The following IDUA variants were observed in gnomAD, a reference collection of about 807,000 sequenced individuals.
IDUA encodes alpha-L-iduronidase, also known as iduronidase alpha-L-.
A neutral mutation model predicts 68.9 loss-of-function variants in IDUA; 65 were observed. That is an observed-to-expected ratio of 0.94 (90% confidence interval 0.77 to 1.16). The LOEUF (loss-of-function observed/expected upper bound fraction) is 1.16. Ranked by LOEUF, IDUA falls within the 50% of genes most tolerant of loss-of-function variation. The probability of loss-of-function intolerance (pLI) is 0.00; values close to 1 mark genes in which losing one functional copy is unlikely to be tolerated. For synonymous variants in IDUA, 529 were observed against 433.6 expected, an observed-to-expected ratio of 1.22 and a Z score of -2.73; for missense variants, 1,046 against 938.0, an observed-to-expected ratio of 1.12 and a Z score of -1.50.
intron 2 of IDUA, among the ~76,000 whole-genome samples, chr4:996,201 G>A (rs746624753): frequency 2.6e-5 from 4 of 152,246 alleles, no homozygotes; most frequent in African/African-American, 7.2e-5. Flanking sequence ...GAGCTGTGCT[G>A]TAAGAAGCGG....
rs752049819 is a variant in IDUA, at chr4:1,000,988, C to G, written c.492C>G (p.Ile164Met). ...DLVSSLARRYIGRYGLAHVSK... is the reference protein window; with the variant it reads ...DLVSSLARRYMGRYGLAHVSK... ...TCTCCAGCCTGGCCAGGAGATACAT[C>G]GGTGGGCGAGCGCAGGCCCTGGGGC... Residue 164 changes from isoleucine (I) to methionine (M), a missense_variant and splice_region_variant, in exon 4 of 14, where the codon ATC (isoleucine) becomes ATG (methionine). Ile to Met is a conservative substitution (Grantham distance 10, BLOSUM62 1). Transcript: ENST00000514224. 1.2e-6 allele frequency: 2 copies of G among 1,608,542 alleles called. No individual in the cohort carries two copies. The highest frequency in any genetic ancestry group is 2.2e-5 in the South Asian group (2 of 90,982).
At position 998,185 on chromosome 4, in the gene IDUA, C is replaced by T. The variant is rs1007185045; in HGVS notation, c.300-2427C>T. On this transcript the variant is annotated intron_variant, in intron 2 of 13. Coordinates refer to ENST00000514224, the MANE Select transcript of IDUA (RefSeq NM_000203.5). ...AGGGACTCCTGCTGCTCCTGCTGGA[C>T]ACCCAGCCCGGGGTACAGGAGCAGG... Among the ~76,000 whole-genome samples, 12 of 152,326 alleles carry T rather than the reference C, an allele frequency of 7.9e-5. No individual in the cohort carries two copies. In the East Asian group the frequency reaches 2.1e-3, roughly 27 times the overall value.
At chr4:987,561 G>A (rs1713832299) in intron 1 of IDUA, 13 of 1,277,714 alleles carry the variant, frequency 1.0e-5, no homozygotes, top group African/African-American at 1.5e-5. Context: ...CTAGAGCTGA[G>A]GTACCCGCCT....
intron 2 of IDUA, chr4:999,568 G>C (rs966485446): frequency 6.6e-6 from 1 of 152,582 alleles, no homozygotes; most frequent in African/African-American, 2.4e-5. Flanking sequence ...CTTCACCAAA[G>C]ATTCCCATTC....
intron 2 of IDUA, chr4:991,856 G>A: frequency 6.6e-7 from 1 of 1,518,460 alleles, no homozygotes; most frequent in Non-Finnish European, 8.8e-7. Context: ...ATTGGTGCTG[G>A]GCCTTCTCCT....
chr4:990,516 G>A (rs1243751834), intron 2 of IDUA: 7 of 729,152 alleles, frequency 9.6e-6, no homozygotes, highest in East Asian at 5.4e-5. Flanking sequence ...CTCCTCACAC[G>A]GGCCTGAGTT....
In IDUA at chr4:1,003,328, C is replaced by T; in HGVS notation, c.1525-17C>T. ...CAGCTCCCCTGGAGAACCCTGAGGACCGGCCACTGCGCCCAGGACCCGGTG... is the reference window on the plus strand; with the variant it reads ...CAGCTCCCCTGGAGAACCCTGAGGATCGGCCACTGCGCCCAGGACCCGGTG... On this transcript the variant is annotated splice_polypyrimidine_tract_variant and intron_variant, in intron 10 of 13. Coordinates refer to ENST00000514224, the MANE Select transcript of IDUA (RefSeq NM_000203.5). 4.8e-6 allele frequency: 7 copies of T among 1,447,978 alleles called. No homozygotes were observed. Among genetic ancestry groups the T allele is most frequent in the Non-Finnish European group, 6.3e-6 (7 of 1,108,928 alleles). 89.7% of individuals were successfully genotyped at this position (1,447,978 alleles called of 1,614,324 possible).
chr4:992,147 A>G, intron 2 of IDUA: 1 of 473,826 alleles, frequency 2.1e-6, no homozygotes, highest in Non-Finnish European at 4.2e-6. Context: ...ACATGTGCCT[A>G]CCGTCAGAAT....
chr4:999,661 C>T (rs890760906), intron 2 of IDUA: 8 of 150,276 alleles, frequency 5.3e-5, no homozygotes, highest in Non-Finnish European at 1.0e-4. Context: ...CGGCCCCCTT[C>T]CCCCTTGACG....
At position 1,001,849 on chromosome 4, in the gene IDUA, G is replaced by A; in HGVS notation, c.760G>A (p.Val254Met). 1 of 1,597,364 alleles carries A rather than the reference G, an allele frequency of 6.3e-7. No homozygotes were observed. Among genetic ancestry groups the A allele is most frequent in the Non-Finnish European group, 8.5e-7 (1 of 1,173,750 alleles). ...CAACTTCTTCACTGGGGAGGCGGGCGTGCGGCTGGACTACATCTCCCTCCA... is the reference window on the plus strand; with the variant it reads ...CAACTTCTTCACTGGGGAGGCGGGCATGCGGCTGGACTACATCTCCCTCCA... Reference protein sequence around the residue: ...GTNFFTGEAGVRLDYISLHRK... With the variant: ...GTNFFTGEAGMRLDYISLHRK... Residue 254 changes from valine (V) to methionine (M), a missense_variant, in exon 6 of 14, where the codon GTG becomes ATG. Val to Met is a conservative substitution (Grantham distance 21). Transcript: ENST00000514224.
intron 2 of IDUA, among the ~76,000 whole-genome samples, chr4:997,670 G>T (rs1217549234): frequency 1.3e-5 from 2 of 152,214 alleles, no homozygotes; most frequent in Non-Finnish European, 2.9e-5. Context: ...GGCCCTGGGG[G>T]TGGGCTGCGC....
At position 1,003,645 on chromosome 4, in the gene IDUA, C is replaced by A; in HGVS notation, c.1727+20C>A. ...CTCCAAGTGCGTGAGTGGGGCCGCCCCTCCCTCTGCCTGGTCCTAGGCAGG... is the reference window on the plus strand; with the variant it reads ...CTCCAAGTGCGTGAGTGGGGCCGCCACTCCCTCTGCCTGGTCCTAGGCAGG... On this transcript the variant is annotated intron_variant, in intron 12 of 13. Coordinates refer to ENST00000514224, the MANE Select transcript of IDUA (RefSeq NM_000203.5). 2 of 1,611,458 alleles carry A rather than the reference C, an allele frequency of 1.2e-6. No individual in the cohort carries two copies. The highest frequency in any genetic ancestry group is 2.2e-5 in the South Asian group (2 of 91,014).
At chr4:987,305 C>T in intron 1 of IDUA, 63 bp downstream of exon 1, 1 of 1,422,728 alleles carries the variant, frequency 7.0e-7, no homozygotes, top group Admixed American at 2.1e-5. Context: ...CGCCCCCTGA[C>T]TGCGCACTGT....
chr4:990,001 T>C (rs758332589), intron 2 of IDUA: 17 of 1,569,914 alleles, frequency 1.1e-5, no homozygotes, highest in Non-Finnish European at 1.4e-5. Flanking sequence ...GCCAAAGCGC[T>C]TGTGGAGCTG....
chr4:992,674 G>A lies in IDUA; in HGVS notation c.299+4725G>A, dbSNP rs779020594. On this transcript the variant is annotated intron_variant, in intron 2 of 13. Transcript: ENST00000514224. ...AGGCAGCACCGAGAGGGCCCAGCCCGCTGCACACAGTCACCCTGGGCCGGC... is the reference window on the plus strand; with the variant it reads ...AGGCAGCACCGAGAGGGCCCAGCCCACTGCACACAGTCACCCTGGGCCGGC... 74 of 160,348 alleles carry A rather than the reference G, an allele frequency of 4.6e-4. 1 individual carries two copies. The highest frequency in any genetic ancestry group is 9.6e-4 in the Admixed American group (15 of 15,620). 9.9% of individuals were successfully genotyped at this position (160,348 alleles called of 1,614,324 possible).
chr4:995,873 G>C (rs952965011), intron 2 of IDUA, among the ~76,000 whole-genome samples: 1 of 152,200 alleles, frequency 6.6e-6, no homozygotes, highest in African/African-American at 2.4e-5. Flanking sequence ...ATGTAGTTGG[G>C]ATGGCCAGAG....
intron 1 of IDUA, 136 bp from the exon 2 acceptor site, chr4:987,673 T>C (rs1402313964): frequency 6.7e-7 from 1 of 1,490,586 alleles, no homozygotes; most frequent in Non-Finnish European, 9.0e-7. Flanking sequence ...GCCCTAAGGG[T>C]CATTTTATTA....
At chr4:1,003,902 C>T in intron 12 of IDUA, 110 bp from the exon 13 acceptor site, 1 of 984,822 alleles carries the variant, frequency 1.0e-6, no homozygotes, top group Non-Finnish European at 1.6e-6. Flanking sequence ...GGAGGTGCCG[C>T]CGAGGGGCTT....
At position 1,003,082 on chromosome 4, in the gene IDUA, C is replaced by A. The variant is rs761637332; in HGVS notation, c.1449C>A (p.Pro483=). Reference sequence around the variant, plus strand: ...ACCTGGACAACGGGCTCTGCAGCCCCGACGGCGAGTGGCGGCGCCTGGGCC... The same window carrying A: ...ACCTGGACAACGGGCTCTGCAGCCCAGACGGCGAGTGGCGGCGCCTGGGCC... ...TRYLDNGLCS[P]DGEWRRLGRP... is the part of the protein sequence containing the mutation. The change falls in exon 10 of 14, where the codon CCC becomes CCA. Residue 483 remains proline, a synonymous_variant. Coordinates refer to ENST00000514224, the MANE Select transcript of IDUA (RefSeq NM_000203.5). The A allele has an allele frequency of 6.6e-7, 1 of 1,521,604 alleles. No individual in the cohort carries two copies. 94.3% of individuals were successfully genotyped at this position (1,521,604 alleles called of 1,614,324 possible). A position where few individuals can be genotyped will look rare whatever the true frequency, so the allele number is the denominator to read the frequency against.
Sources: gnomAD v4.1 joint callset for allele counts (sites outside exome capture counted in the v4.1 genomes callset) on GRCh38, gnomAD v4.1.1 for gene constraint, MANE v1.5 for transcripts, NCBI Gene and HGNC (gene_info 2026-07-23, HGNC 2026-07-21) for gene names.